Variants in RIMS1 observed in about 807,000 individuals in gnomAD.
RIMS1 encodes the protein regulating synaptic membrane exocytosis protein 1.
In RIMS1, 83 loss-of-function variants were observed where a neutral mutation model predicts 214.1. That is an observed-to-expected ratio of 0.39 (90% confidence interval 0.32 to 0.47). The LOEUF (loss-of-function observed/expected upper bound fraction) is 0.47. RIMS1 is among the 20% of genes least tolerant of loss of function. RIMS1 has a pLI of 0.99. For missense variants in RIMS1, 2,050 were observed against 2,161.8 expected, an observed-to-expected ratio of 0.95 and a Z score of 1.03; for synonymous variants, 793 against 786.8, an observed-to-expected ratio of 1.01 and a Z score of -0.13.
intron 1 of RIMS1, among the ~76,000 whole-genome samples, chr6:71,943,732 T>A (rs1035160818): frequency 2.6e-5 from 4 of 152,196 alleles, no homozygotes; most frequent in African/African-American, 7.2e-5. Flanking sequence ...GTCAAAATTG[T>A]AGCTGTCATA....
At chr6:71,992,906 T>C (rs186507313) in intron 2 of RIMS1, among the ~76,000 whole-genome samples, 53 of 152,286 alleles carry the variant, frequency 3.5e-4, no homozygotes, top group African/African-American at 1.2e-3. Flanking sequence ...AGCACTCCAC[T>C]GGTCTTGGCC....
At chr6:72,186,471 G>A (rs2049113739) in intron 6 of RIMS1, among the ~76,000 whole-genome samples, 1 of 152,132 alleles carries the variant, frequency 6.6e-6, no homozygotes, top group South Asian at 2.1e-4. Flanking sequence ...ATTAGATAGT[G>A]CTTATGTAGA....
At chr6:72,047,100 G>T (rs1429629510) in intron 2 of RIMS1, among the ~76,000 whole-genome samples, 4 of 152,232 alleles carry the variant, frequency 2.6e-5, no homozygotes, top group Non-Finnish European at 4.4e-5. Flanking sequence ...AGTGTCCTGT[G>T]TAAAGAAACA....
chr6:71,938,327 A>C (rs369993215), intron 1 of RIMS1, among the ~76,000 whole-genome samples: 1 of 152,030 alleles, frequency 6.6e-6, no homozygotes, highest in African/African-American at 2.4e-5. Context: ...TCCACTAAAC[A>C]TTGCCCTTGT....
intron 4 of RIMS1, among the ~76,000 whole-genome samples, chr6:72,122,447 C>A (rs1276600216): frequency 2.0e-5 from 3 of 151,596 alleles, no homozygotes; most frequent in South Asian, 2.1e-4. Flanking sequence ...ACCTCATGAT[C>A]CACCCGCCTC....
At chr6:72,271,091 C>T (rs1024128848) in intron 22 of RIMS1, among the ~76,000 whole-genome samples, 4 of 151,564 alleles carry the variant, frequency 2.6e-5, no homozygotes, top group African/African-American at 9.7e-5. Context: ...CATGGTGAAA[C>T]CCCGTCTCTA....
chr6:72,042,315 C>T (rs1821676865), intron 2 of RIMS1, among the ~76,000 whole-genome samples: 1 of 151,812 alleles, frequency 6.6e-6, no homozygotes, highest in Non-Finnish European at 1.5e-5. Context: ...TGGCAACATA[C>T]TTTTACGGAA....
intron 2 of RIMS1, among the ~76,000 whole-genome samples, chr6:72,010,140 G>T (rs1180657527): frequency 6.6e-6 from 1 of 152,170 alleles, no homozygotes; most frequent in Non-Finnish European, 1.5e-5. Flanking sequence ...CCATGATCAA[G>T]TGGGCTTCAT....
At chr6:71,894,533 A>T (rs1182433385) in intron 1 of RIMS1, among the ~76,000 whole-genome samples, 2 of 152,232 alleles carry the variant, frequency 1.3e-5, no homozygotes, top group African/African-American at 4.8e-5. Context: ...AAATTTCAAA[A>T]CATTTTTCAA....
chr6:72,003,885 A>G (rs1806301748), intron 2 of RIMS1, among the ~76,000 whole-genome samples: 1 of 149,596 alleles, frequency 6.7e-6, no homozygotes, highest in African/African-American at 2.5e-5. Flanking sequence ...AATTATTATT[A>G]TACTTTAAGT....
chr6:72,087,322 A>G (rs1040686442), intron 2 of RIMS1, among the ~76,000 whole-genome samples: 2 of 152,224 alleles, frequency 1.3e-5, no homozygotes, highest in African/African-American at 4.8e-5. Flanking sequence ...TTAACTGAAG[A>G]AAAATTAGTG....
intron 29 of RIMS1, among the ~76,000 whole-genome samples, chr6:72,339,880 A>T (rs1275731005): frequency 2.0e-5 from 3 of 151,852 alleles, no homozygotes; most frequent in African/African-American, 2.4e-5. Flanking sequence ...ACAATGGTTG[A>T]ACTAGTTTAC....
chr6:71,977,577 GA>G (rs1279974111), intron 2 of RIMS1, among the ~76,000 whole-genome samples: 1 of 152,000 alleles, frequency 6.6e-6, no homozygotes, highest in Non-Finnish European at 1.5e-5. Flanking sequence ...TGAATGCAAT[GA>G]AAGAGAGCTA....
At chr6:71,905,921 C>T (rs543460251) in intron 1 of RIMS1, among the ~76,000 whole-genome samples, 3 of 152,246 alleles carry the variant, frequency 2.0e-5, no homozygotes, top group African/African-American at 7.2e-5. Flanking sequence ...CTCTATCACC[C>T]TCCTTTTAAA....
chr6:72,379,058 C>A (rs1305537704), intron 29 of RIMS1, among the ~76,000 whole-genome samples: 3 of 152,212 alleles, frequency 2.0e-5, no homozygotes, highest in Admixed American at 1.3e-4. Flanking sequence ...AATGTTCTAT[C>A]TGAAGCTACA....
In RIMS1 at chr6:72,250,373, A is replaced by G; in HGVS notation, c.2285A>G (p.Asn762Ser). 6.2e-7 allele frequency: 1 copy of G among 1,610,450 alleles called. No homozygotes were observed. Among genetic ancestry groups the G allele is most frequent in the East Asian group, 2.2e-5 (1 of 44,604 alleles). ...AAAGTGGGACACCAGCTGATTGTAA[A>G]TGTTCTGCAAGCAACAGATCTACCT... ...YDKVGHQLIVNVLQATDLPAR... is the reference protein window; with the variant it reads ...YDKVGHQLIVSVLQATDLPAR... The change falls in exon 13 of 34, where the codon AAT becomes AGT. Residue 762 changes from asparagine (N) to serine (S), a missense_variant. Transcript: ENST00000521978.
intron 28 of RIMS1, 149 bp from the exon 29 acceptor site, chr6:72,333,451 A>G (rs2096738764): frequency 1.7e-6 from 1 of 588,628 alleles, no homozygotes; most frequent in South Asian, 2.1e-5. Flanking sequence ...GTGTGATACT[A>G]AAGTATTTGT....
intron 4 of RIMS1, among the ~76,000 whole-genome samples, chr6:72,171,731 C>G (rs2047064262): frequency 6.6e-6 from 1 of 152,056 alleles, no homozygotes; most frequent in Admixed American, 6.6e-5. Context: ...CTCTAGAAAT[C>G]ACTCTTCTTT....
chr6:72,242,257 T>TA, intron 9 of RIMS1, 57 bp from the exon 10 acceptor site: 1 of 1,296,734 alleles, frequency 7.7e-7, no homozygotes, highest in Non-Finnish European at 1.1e-6. Flanking sequence ...AGAGAAAAGA[T>TA]ACGAAAAATA....
Sources: gnomAD v4.1 joint callset for allele counts (sites outside exome capture counted in the v4.1 genomes callset) on GRCh38, gnomAD v4.1.1 for gene constraint, MANE v1.5 for transcripts, NCBI Gene and HGNC (gene_info 2026-07-23, HGNC 2026-07-21) for gene names.